The following PCED1B variants were observed in gnomAD, a reference collection of about 807,000 sequenced individuals.
PCED1B encodes PC-esterase domain-containing protein 1B.
For missense variants in PCED1B, 573 were observed against 573.9 expected (o/e 1.00, Z 0.02); for synonymous variants, 251 against 246.1 (o/e 1.02, Z -0.19).
Position 47,079,712 on chromosome 12 carries a change from A to G in PCED1B, c.-622A>G, listed in dbSNP as rs1399886233. On this transcript the variant is annotated 5_prime_UTR_variant, in exon 1 of 4. Transcript: ENST00000546455. ...CCGGGGGCTCTCCCGGGTTCCTCTC[A>G]TTGCAGGCTGAAGGTACCGCCTCGG... The G allele has an allele frequency of 1.3e-5, 2 of 151,318 alleles. No homozygotes were observed. Among genetic ancestry groups the G allele is most frequent in the African/African-American group, 4.9e-5 (2 of 41,222 alleles). The allele number at this position is 151,318 out of a possible 1,614,324, so 9.4% of individuals were successfully genotyped here.
rs961909060 is a variant in PCED1B, at chr12:47,160,678, A to G, written c.-525-55544A>G. On this transcript the variant is annotated intron_variant, in intron 2 of 3. Coordinates refer to ENST00000546455, the MANE Select transcript of PCED1B (RefSeq NM_138371.3). The stretch of plus-strand genomic sequence containing the variant: ...TCCAATGTTTTGATGCTATTTTCAT[A>G]TTTTCTTCTAAGACTTTTACAGTTT... 1.6e-4 allele frequency among the ~76,000 whole-genome samples: 25 copies of G among 152,004 alleles called. No individual in the cohort carries two copies. In the Middle Eastern group the frequency reaches 0.017, roughly 103 times the overall value.
intron 1 of PCED1B, among the ~76,000 whole-genome samples, chr12:47,084,732 T>A (rs1937897404): frequency 6.6e-6 from 1 of 152,234 alleles, no homozygotes; most frequent in Non-Finnish European, 1.5e-5. Context: ...AAAGTTCCAC[T>A]TACCCAGAGT....
chr12:47,190,423 C>T (rs1185251617), intron 2 of PCED1B, among the ~76,000 whole-genome samples: 2 of 152,196 alleles, frequency 1.3e-5, no homozygotes, highest in Non-Finnish European at 1.5e-5. Flanking sequence ...TTGGTCGCCT[C>T]TTCCAGGTCT....
intron 2 of PCED1B, among the ~76,000 whole-genome samples, chr12:47,175,032 T>C (rs1029643794): frequency 2.0e-5 from 3 of 152,210 alleles, no homozygotes; most frequent in Non-Finnish European, 4.4e-5. Context: ...ATATACCATA[T>C]ATATCTAGAT....
At chr12:47,229,835 T>A (rs904765256) in intron 3 of PCED1B, among the ~76,000 whole-genome samples, 3 of 151,966 alleles carry the variant, frequency 2.0e-5, no homozygotes, top group African/African-American at 7.3e-5. Context: ...AGTGGCGCGA[T>A]CTTGGCTCAT....
intron 3 of PCED1B, among the ~76,000 whole-genome samples, chr12:47,233,978 T>G (rs761887181): frequency 6.6e-6 from 1 of 152,060 alleles, no homozygotes; most frequent in South Asian, 2.1e-4. Context: ...GGGTTTTTTT[T>G]GTTTTGTTTT....
At chr12:47,104,936 T>G (rs1163723124) in intron 2 of PCED1B, among the ~76,000 whole-genome samples, 6 of 152,174 alleles carry the variant, frequency 3.9e-5, no homozygotes, top group African/African-American at 1.4e-4. Context: ...CCCTGTACCA[T>G]GGAGACTGGG....
At chr12:47,184,906 G>A (rs1221051309) in intron 2 of PCED1B, among the ~76,000 whole-genome samples, 1 of 152,204 alleles carries the variant, frequency 6.6e-6, no homozygotes, top group Non-Finnish European at 1.5e-5. Flanking sequence ...ACCTGGCAGA[G>A]GTTAAGTAAC....
chr12:47,103,133 A>G (rs1433790177), intron 1 of PCED1B, among the ~76,000 whole-genome samples: 1 of 152,222 alleles, frequency 6.6e-6, no homozygotes, highest in Non-Finnish European at 1.5e-5. Context: ...CTAAGCAAAC[A>G]TTCTGAACTT....
chr12:47,196,450 G>A (rs909454746), intron 2 of PCED1B, among the ~76,000 whole-genome samples: 5 of 152,224 alleles, frequency 3.3e-5, no homozygotes, highest in African/African-American at 4.8e-5. Context: ...CTGACATACA[G>A]TAAATGCTCA....
intron 3 of PCED1B, among the ~76,000 whole-genome samples, chr12:47,222,059 C>T (rs930224662): frequency 1.3e-5 from 2 of 149,184 alleles, no homozygotes; most frequent in Admixed American, 1.4e-4. Context: ...GCCATGATCG[C>T]ACCATGGCAC....
chr12:47,119,015 A>AT (rs1939557945), intron 2 of PCED1B, among the ~76,000 whole-genome samples: 1 of 152,110 alleles, frequency 6.6e-6, no homozygotes, highest in South Asian at 2.1e-4. Flanking sequence ...AAACAACTGT[A>AT]TTGGTACTGG....
intron 2 of PCED1B, among the ~76,000 whole-genome samples, chr12:47,121,904 C>T (rs1297003588): frequency 2.6e-5 from 4 of 151,470 alleles, no homozygotes; most frequent in Non-Finnish European, 4.4e-5. Context: ...TGGTGGTGGG[C>T]GCCTGTAATC....
chr12:47,139,288 A>G (rs1383489378), intron 2 of PCED1B, among the ~76,000 whole-genome samples: 1 of 152,336 alleles, frequency 6.6e-6, no homozygotes, highest in Middle Eastern at 3.4e-3. Flanking sequence ...GTTGGAGTTC[A>G]GAATACAGGT....
chr12:47,193,631 T>C (rs982941352), intron 2 of PCED1B, among the ~76,000 whole-genome samples: 2 of 152,228 alleles, frequency 1.3e-5, no homozygotes, highest in African/African-American at 4.8e-5. Flanking sequence ...GATATACTTC[T>C]GCCCACTCAG....
chr12:47,168,574 A>G (rs1393407702), intron 2 of PCED1B, among the ~76,000 whole-genome samples: 1 of 151,828 alleles, frequency 6.6e-6, no homozygotes, highest in Non-Finnish European at 1.5e-5. Flanking sequence ...TTCTTTTTCT[A>G]ATTTCCTAAA....
chr12:47,160,680 TTTC>T (rs200911356), intron 2 of PCED1B, among the ~76,000 whole-genome samples: 307 of 152,300 alleles, frequency 2.0e-3, no homozygotes, highest in African/African-American at 7.1e-3. Flanking sequence ...ATTTTCATAT[TTTC>T]TTCTAAGACT....
Position 47,236,359 on chromosome 12 carries a change from A to G in PCED1B, c.1296A>G (p.Gln432=), listed in dbSNP as rs1271913429. Residue 432 remains glutamine, a synonymous_variant, in exon 4 of 4, where the codon CAA becomes CAG. Transcript: ENST00000546455. ...CAGCCAATCCTGAGCCAAGGCCTCA[A>G]TAGACGGACCTAGGCCTTATTTCCT... is the stretch of plus-strand genomic sequence containing the variant. The part of the protein sequence containing the change: ...RAPANPEPRP[Q] 7.6e-6 allele frequency: 12 copies of G among 1,586,536 alleles called. No homozygotes were observed. Among genetic ancestry groups the G allele is most frequent in the Non-Finnish European group, 1.0e-5 (12 of 1,168,254 alleles).
intron 2 of PCED1B, among the ~76,000 whole-genome samples, chr12:47,200,082 C>T (rs1328384896): frequency 1.3e-5 from 2 of 152,018 alleles, no homozygotes; most frequent in Non-Finnish European, 2.9e-5. Flanking sequence ...AGCCTATAGT[C>T]CCAGCTACTC....
Sources: allele counts gnomAD v4.1 joint callset (sites outside exome capture counted in the v4.1 genomes callset), GRCh38; gene constraint gnomAD v4.1.1; transcripts MANE v1.5; gene names NCBI Gene and HGNC (gene_info 2026-07-23, HGNC 2026-07-21).